QSOX1: variants seen among roughly 807,000 people sequenced by gnomAD.
QSOX1 encodes quiescin sulfhydryl oxidase 1.
Under a neutral mutation model 76.1 loss-of-function variants are expected in QSOX1, and 40 were observed. The ratio of observed to expected loss-of-function variants is 0.53; its 90% CI spans 0.41 to 0.68. QSOX1 has a LOEUF of 0.68. QSOX1 is among the 30% of genes least tolerant of loss of function. QSOX1 has a pLI of 0.00. For missense variants in QSOX1, 931 were observed against 974.3 expected (o/e 0.96, Z 0.59); for synonymous variants, 392 against 413.1 (o/e 0.95, Z 0.62).
intron 10 of QSOX1, among the ~76,000 whole-genome samples, chr1:180,191,435 C>G (rs909441562): frequency 2.0e-5 from 3 of 152,176 alleles, no homozygotes; most frequent in African/African-American, 7.2e-5. Context: ...GAGGAGCATC[C>G]CAGCAGAGGG....
At position 180,177,687 on chromosome 1, in the gene QSOX1, C is replaced by T. The variant is rs564367399; in HGVS notation, c.516-1107C>T. Among the ~76,000 whole-genome samples the T allele has an allele frequency of 7.2e-5, 11 of 152,282 alleles. No individual in the cohort carries two copies. The East Asian group carries it at 1.2e-3, about 16-fold the overall frequency. ...CCCCATGTAGGTTGTGCTCTTCTGC[C>T]AGCCTAGGGAAGACCCAGGGAAGAG... On this transcript the variant is annotated intron_variant, in intron 4 of 11. Transcript: ENST00000367602.
chr1:180,190,826 C>G (rs895017409), intron 10 of QSOX1, among the ~76,000 whole-genome samples: 1 of 152,166 alleles, frequency 6.6e-6, no homozygotes, highest in South Asian at 2.1e-4. Flanking sequence ...GTTTTCGGCC[C>G]CGGGAGCTCT....
At chr1:180,190,627 G>A in intron 10 of QSOX1, 47 bp downstream of exon 10, 1 of 1,560,148 alleles carries the variant, frequency 6.4e-7, no homozygotes, top group Non-Finnish European at 8.7e-7. Flanking sequence ...ACCCTGCTCT[G>A]TTCGGCCCTC....
chr1:180,166,265 A>G (rs1359054294), intron 1 of QSOX1, among the ~76,000 whole-genome samples: 1 of 152,238 alleles, frequency 6.6e-6, no homozygotes, highest in East Asian at 1.9e-4. Context: ...AGTATGACTT[A>G]TGCTAATCAT....
chr1:180,157,675 T>C (rs1313153520), intron 1 of QSOX1, among the ~76,000 whole-genome samples: 2 of 152,160 alleles, frequency 1.3e-5, no homozygotes, highest in African/African-American at 4.8e-5. Context: ...GAGCATGTGT[T>C]TCTGAGAACC....
chr1:180,165,338 C>T (rs939003352), intron 1 of QSOX1, among the ~76,000 whole-genome samples: 6 of 152,350 alleles, frequency 3.9e-5, no homozygotes, highest in Admixed American at 6.5e-5. Flanking sequence ...GCTTCAGAGA[C>T]GCATGTGGGT....
chr1:180,202,814 C>T lies in QSOX1; in HGVS notation c.*5777C>T, dbSNP rs1223802539. ...AGAAATAAGGCCAGGCACGGTGGCT[C>T]ACGCTTGTAATCCTAGCACTTTGGG... On this transcript the variant is annotated 3_prime_UTR_variant, in exon 12 of 12. Coordinates refer to ENST00000367602, the MANE Select transcript of QSOX1 (RefSeq NM_002826.5). The T allele has an allele frequency of 6.6e-6, 1 of 152,094 alleles. No individual in the cohort carries two copies. The highest frequency in any genetic ancestry group is 2.4e-5 in the African/African-American group (1 of 41,410). 9.4% of individuals were successfully genotyped at this position (152,094 alleles called of 1,614,324 possible).
chr1:180,159,931 C>G (rs1183427670), intron 1 of QSOX1, among the ~76,000 whole-genome samples: 1 of 152,200 alleles, frequency 6.6e-6, no homozygotes, highest in Non-Finnish European at 1.5e-5. Flanking sequence ...GCACTACTCT[C>G]AGTAATCATC....
chr1:180,195,002 G>T (rs1572056381), intron 11 of QSOX1, among the ~76,000 whole-genome samples: 1 of 150,012 alleles, frequency 6.7e-6, no homozygotes, highest in East Asian at 1.9e-4. Flanking sequence ...CTCCCGGGGG[G>T]GGGAGACCAG....
chr1:180,199,031 T>G lies in QSOX1; in HGVS notation c.*1994T>G, dbSNP rs1394734075. 6.4e-6 allele frequency: 1 copy of G among 156,584 alleles called. No homozygotes were observed. The highest frequency in any genetic ancestry group is 2.0e-4 in the South Asian group (1 of 5,120). 9.7% of individuals were successfully genotyped at this position (156,584 alleles called of 1,614,324 possible). A position where few individuals can be genotyped will look rare whatever the true frequency, so the allele number is the denominator to read the frequency against. On this transcript the variant is annotated 3_prime_UTR_variant, in exon 12 of 12. Transcript: ENST00000367602. ...AATTAGCGCCATGTTGGAAACACTG[T>G]CGCAGCAGCCCGGGCTGCACAGTGT...
Position 180,200,042 on chromosome 1 carries a change from G to T in QSOX1, c.*3005G>T, listed in dbSNP as rs958058726. On this transcript the variant is annotated 3_prime_UTR_variant, in exon 12 of 12. Transcript: ENST00000367602. The stretch of plus-strand genomic sequence containing the variant: ...AGCCTTGACCCTGGAGGAAAGTCAG[G>T]TGGGCTCAGAGAGAGCCCTCAAATC... 4 of 152,180 alleles carry T rather than the reference G, an allele frequency of 2.6e-5. No homozygotes were observed. The highest frequency in any genetic ancestry group is 9.7e-5 in the African/African-American group (4 of 41,428). The allele number at this position is 152,180 out of a possible 1,614,324, so 9.4% of individuals were successfully genotyped here. A position where few individuals can be genotyped will look rare whatever the true frequency, so the allele number is the denominator to read the frequency against.
chr1:180,182,024 G>T, intron 5 of QSOX1, 150 bp from the exon 6 acceptor site: 4 of 699,476 alleles, frequency 5.7e-6, no homozygotes, highest in Non-Finnish European at 9.4e-6. Flanking sequence ...AGTATCTCTT[G>T]CGCATCAGTG....
rs1438908648 is a variant in QSOX1, at chr1:180,155,158, C to A, written c.251C>A (p.Ala84Asp). The change falls in exon 1 of 12, where the codon GCC (alanine) becomes GAC (aspartate). Residue 84 changes from alanine (A) to aspartate (D), a missense_variant. Coordinates refer to ENST00000367602, the MANE Select transcript of QSOX1 (RefSeq NM_002826.5). The stretch of plus-strand genomic sequence containing the variant: ...TTCGCCCCGACGTGGAAGGCGCTGG[C>A]CGAAGACGTCAAAGGTGAGAAGCGG... ...IAFAPTWKAL[A>D]EDVKAWRPAL... is the part of the protein sequence containing the mutation. 9.9e-6 allele frequency: 15 copies of A among 1,516,338 alleles called. No homozygotes were observed. The highest frequency in any genetic ancestry group is 1.1e-5 in the Non-Finnish European group (13 of 1,136,496). 93.9% of individuals were successfully genotyped at this position (1,516,338 alleles called of 1,614,324 possible).
At chr1:180,161,765 C>T (rs1409886582) in intron 1 of QSOX1, among the ~76,000 whole-genome samples, 1 of 152,200 alleles carries the variant, frequency 6.6e-6, no homozygotes, top group East Asian at 1.9e-4. Context: ...TTCATTAGTT[C>T]ATTTAGTCTC....
chr1:180,197,231 G>A lies in QSOX1; in HGVS notation c.*194G>A. ...AGCTCCTTTGACACAAAAGACAGGA[G>A]CAGGGTCCAGGTTCCCCTGCTGTGC... On this transcript the variant is annotated 3_prime_UTR_variant, in exon 12 of 12. Coordinates refer to ENST00000367602, the MANE Select transcript of QSOX1 (RefSeq NM_002826.5). 2.5e-6 allele frequency: 4 copies of A among 1,587,738 alleles called. No individual in the cohort carries two copies. The highest frequency in any genetic ancestry group is 3.4e-6 in the Non-Finnish European group (4 of 1,168,880).
At position 180,194,474 on chromosome 1, in the gene QSOX1, T is replaced by C. The variant is rs1345989940; in HGVS notation, c.1468+82T>C. Reference sequence around the variant, plus strand: ...ATACTTGGGAGTCTTAGGCCAAAATTTGGGGAAGGGACACTCATTGTCCCC... The same window carrying C: ...ATACTTGGGAGTCTTAGGCCAAAATCTGGGGAAGGGACACTCATTGTCCCC... On this transcript the variant is annotated intron_variant, in intron 11 of 11. Coordinates refer to ENST00000367602, the MANE Select transcript of QSOX1 (RefSeq NM_002826.5). The C allele has an allele frequency of 2.9e-6, 4 of 1,385,340 alleles. No individual in the cohort carries two copies. The African/African-American group carries it at 5.9e-5, about 20-fold the overall frequency. The allele number at this position is 1,385,340 out of a possible 1,614,324, so 85.8% of individuals were successfully genotyped here. A position where few individuals can be genotyped will look rare whatever the true frequency, so the allele number is the denominator to read the frequency against.
At chr1:180,192,565 T>C (rs1011149097) in intron 10 of QSOX1, among the ~76,000 whole-genome samples, 3 of 152,072 alleles carry the variant, frequency 2.0e-5, no homozygotes, top group African/African-American at 7.2e-5. Context: ...GCTGAGGGAC[T>C]TACTGATAGA....
rs181159452 is a variant in QSOX1 at position 180,197,601 on chromosome 1, G to A, written c.*564G>A. ...ACCTCCTGGGTGGGGTTTGGCTTCA[G>A]GGTGGGGTTTGGAAGCTTCTGGAAG... On this transcript the variant is annotated 3_prime_UTR_variant, in exon 12 of 12. Transcript: ENST00000367602. The A allele has an allele frequency of 6.6e-4, 367 of 553,144 alleles. No homozygotes were observed. The highest frequency in any genetic ancestry group is 1.0e-3 in the Non-Finnish European group (314 of 311,592). The allele number at this position is 553,144 out of a possible 1,614,324, so 34.3% of individuals were successfully genotyped here.
At chr1:180,175,169 A>AT in intron 2 of QSOX1, 152 bp from the exon 3 acceptor site, 1 of 706,356 alleles carries the variant, frequency 1.4e-6, no homozygotes, top group Non-Finnish European at 2.4e-6. Context: ...AAAAAAAAAA[A>AT]GAAAGAAAGA....
Sources: allele counts gnomAD v4.1 joint callset (sites outside exome capture counted in the v4.1 genomes callset), GRCh38; gene constraint gnomAD v4.1.1; transcripts MANE v1.5; gene names NCBI Gene and HGNC (gene_info 2026-07-23, HGNC 2026-07-21).